The following PGCKA1 variants were observed in gnomAD, a reference collection of about 807,000 sequenced individuals.
PGCKA1 encodes the protein PDCD10 and GCKIII kinases associated 1.
the PGCKA1 span, among the ~76,000 whole-genome samples, chr4:37,483,762 A>G: frequency 6.6e-6 from 1 of 152,182 alleles, no homozygotes; most frequent in East Asian, 1.9e-4. Flanking sequence ...ACCTAAGTCC[A>G]GGTGAACACC....
chr4:37,552,672 C>A, the PGCKA1 span, among the ~76,000 whole-genome samples: 2,291 of 152,324 alleles, frequency 0.015, 66 homozygotes, highest in African/African-American at 0.052. Flanking sequence ...GATGCCACCA[C>A]ACGCCAGGCT....
At chr4:37,508,934 G>A in the PGCKA1 span, among the ~76,000 whole-genome samples, 6 of 146,834 alleles carry the variant, frequency 4.1e-5, no homozygotes, top group South Asian at 2.2e-4. Context: ...ATCTTGCACC[G>A]CCCTTAATCC....
chr4:37,460,715 C>T, the PGCKA1 span: 5 of 361,966 alleles, frequency 1.4e-5, no homozygotes, highest in East Asian at 4.3e-4. Flanking sequence ...GTTTAAGTTC[C>T]TTATAAATTC....
the PGCKA1 span, chr4:37,591,149 C>A: frequency 3.1e-6 from 2 of 644,232 alleles, no homozygotes; most frequent in Non-Finnish European, 5.3e-6. Flanking sequence ...TGATTGTCAG[C>A]ATCTGTCCCA....
At chr4:37,519,883 A>C in the PGCKA1 span, among the ~76,000 whole-genome samples, 3 of 152,182 alleles carry the variant, frequency 2.0e-5, no homozygotes, top group African/African-American at 7.2e-5. Context: ...TCAATATGAT[A>C]CTAGCTGTGG....
At chr4:37,502,279 G>A in the PGCKA1 span, among the ~76,000 whole-genome samples, 4 of 152,194 alleles carry the variant, frequency 2.6e-5, no homozygotes, top group South Asian at 4.1e-4. Context: ...AGCGGGTGCC[G>A]GGGGCCTGCC....
At chr4:37,523,099 G>C in the PGCKA1 span, among the ~76,000 whole-genome samples, 30,303 of 152,002 alleles carry the variant, frequency 0.2, 3,677 homozygotes, top group African/African-American at 0.33. Context: ...AAGTTTACTG[G>C]GAGACACAGA....
chr4:37,480,757 G>A, the PGCKA1 span, among the ~76,000 whole-genome samples: 19 of 152,238 alleles, frequency 1.2e-4, no homozygotes, highest in East Asian at 1.3e-3. Context: ...GCTTTATCTC[G>A]GGGCTAGAAT....
At chr4:37,555,020 A>T in the PGCKA1 span, among the ~76,000 whole-genome samples, 1 of 152,222 alleles carries the variant, frequency 6.6e-6, no homozygotes, top group Admixed American at 6.5e-5. Context: ...AGAGCTTTTC[A>T]TTACATAGCT....
chr4:37,501,300 C>A, the PGCKA1 span, among the ~76,000 whole-genome samples: 1 of 151,926 alleles, frequency 6.6e-6, no homozygotes, highest in Non-Finnish European at 1.5e-5. Flanking sequence ...GGCAGGTGAG[C>A]GAGCATTACC....
At chr4:37,468,090 T>C in the PGCKA1 span, among the ~76,000 whole-genome samples, 4 of 152,194 alleles carry the variant, frequency 2.6e-5, no homozygotes, top group Non-Finnish European at 5.9e-5. Context: ...AAAATACCAA[T>C]ATCCCGAACT....
the PGCKA1 span, among the ~76,000 whole-genome samples, chr4:37,500,665 A>G: frequency 6.6e-6 from 1 of 152,166 alleles, no homozygotes; most frequent in African/African-American, 2.4e-5. Context: ...TCAGGTCCCA[A>G]ATTATCTTTG....
At chr4:37,551,579 T>C in the PGCKA1 span, among the ~76,000 whole-genome samples, 1 of 152,208 alleles carries the variant, frequency 6.6e-6, no homozygotes, top group African/African-American at 2.4e-5. Context: ...AAGAGAGGTC[T>C]ATAAGAAATT....
At chr4:37,538,524 C>T in the PGCKA1 span, among the ~76,000 whole-genome samples, 1 of 152,216 alleles carries the variant, frequency 6.6e-6, no homozygotes, top group East Asian at 1.9e-4. Context: ...AGAGAGAGAA[C>T]ATGATGAACT....
At chr4:37,484,697 A>G in the PGCKA1 span, among the ~76,000 whole-genome samples, 2,377 of 152,346 alleles carry the variant, frequency 0.016, 60 homozygotes, top group African/African-American at 0.054. Flanking sequence ...GTATTTCTTT[A>G]TAGCAATGAA....
the PGCKA1 span, among the ~76,000 whole-genome samples, chr4:37,567,066 A>T: frequency 8.9e-4 from 134 of 150,046 alleles, no homozygotes; most frequent in African/African-American, 2.4e-3. Flanking sequence ...GCGGACAAAA[A>T]AAAATAAAAT....
the PGCKA1 span, among the ~76,000 whole-genome samples, chr4:37,525,918 A>C: frequency 5.3e-5 from 8 of 152,300 alleles, no homozygotes; most frequent in East Asian, 1.4e-3. Flanking sequence ...TGGACAGTGG[A>C]GTTGCATTTA....
the PGCKA1 span, among the ~76,000 whole-genome samples, chr4:37,571,180 G>GATGCAACAACAGCCTGAAGACAGGAACC: frequency 6.6e-6 from 1 of 152,140 alleles, no homozygotes; most frequent in African/African-American, 2.4e-5. Context: ...CCCCCTCTAA[G>GATGCAACAACAGCCTGAAGACAGGAACC]ATGCAACAAC....
the PGCKA1 span, among the ~76,000 whole-genome samples, chr4:37,520,728 C>G: frequency 1.3e-5 from 2 of 152,198 alleles, no homozygotes; most frequent in African/African-American, 4.8e-5. Context: ...CGCCATTCTC[C>G]TGCTTCAGCC....
Sources: allele counts gnomAD v4.1 joint callset (sites outside exome capture counted in the v4.1 genomes callset), GRCh38; gene constraint gnomAD v4.1.1; transcripts MANE v1.5; gene names NCBI Gene and HGNC (gene_info 2026-07-23, HGNC 2026-07-21).